Variants in RELCH observed in about 807,000 individuals in gnomAD.
The protein encoded by RELCH is RAB11 binding and LisH domain, coiled-coil and HEAT repeat containing.
A neutral mutation model predicts 150.3 loss-of-function variants in RELCH; 41 were observed. The observed-to-expected ratio is 0.27, with a 90% CI of 0.21 to 0.35. The LOEUF (loss-of-function observed/expected upper bound fraction) is 0.35. RELCH is among the 10% of genes least tolerant of loss of function. RELCH has a pLI of 1.00. For synonymous variants in RELCH, 478 were observed against 531.8 expected, an observed-to-expected ratio of 0.90 and a Z score of 1.39; for missense variants, 1,092 against 1,467.8, an observed-to-expected ratio of 0.74 and a Z score of 4.18.
At chr18:62,266,869 C>T (rs2144752155) in intron 19 of RELCH, 120 bp downstream of exon 19, 1 of 609,362 alleles carries the variant, frequency 1.6e-6, no homozygotes, top group African/African-American at 1.9e-5. Flanking sequence ...AAAAGGAAAA[C>T]TTATATTATG....
chr18:62,227,484 C>A lies in RELCH; in HGVS notation c.1054C>A (p.Pro352Thr), dbSNP rs772707448. Residue 352 changes from proline to threonine, a missense_variant, in exon 6 of 29, where the codon CCT becomes ACT. This residue lies in a region of RELCH where 707 missense variants were observed against 1,025.4 expected (regional missense o/e 0.69). Transcript: ENST00000644646. Reference protein sequence around the residue: ...NLPPTLETPQPAENSMLVQKL... With the variant: ...NLPPTLETPQTAENSMLVQKL... ...TCCTCCAACTCTTGAAACTCCCCAGCCTGCAGAGGTGAGAGATAGCAACTA... is the reference window on the plus strand; with the variant it reads ...TCCTCCAACTCTTGAAACTCCCCAGACTGCAGAGGTGAGAGATAGCAACTA... The A allele has an allele frequency of 1.9e-6, 3 of 1,612,610 alleles. No homozygotes were observed. The highest frequency in any genetic ancestry group is 3.3e-5 in the Admixed American group (2 of 59,834).
Position 62,308,973 on chromosome 18 carries a change from C to T in RELCH, c.*3439C>T, listed in dbSNP as rs1251315812. 6.6e-6 allele frequency: 1 copy of T among 152,032 alleles called. No homozygotes were observed. The highest frequency in any genetic ancestry group is 1.5e-5 in the Non-Finnish European group (1 of 68,014). The allele number at this position is 152,032 out of a possible 1,614,324, so 9.4% of individuals were successfully genotyped here. A position where few individuals can be genotyped will look rare whatever the true frequency, so the allele number is the denominator to read the frequency against. ...AATAGAGACTGGCCGGGCACGGTGG[C>T]TCATGCCTGTAATACCAGCACTTTG... On this transcript the variant is annotated 3_prime_UTR_variant, in exon 29 of 29. Transcript: ENST00000644646.
At position 62,308,219 on chromosome 18, in the gene RELCH, T is replaced by G. The variant is rs1182035668; in HGVS notation, c.*2685T>G. The G allele has an allele frequency of 2.0e-5, 3 of 152,174 alleles. No homozygotes were observed. Among genetic ancestry groups the G allele is most frequent in the Admixed American group, 2.0e-4 (3 of 15,268 alleles). The allele number at this position is 152,174 out of a possible 1,614,324, so 9.4% of individuals were successfully genotyped here. On this transcript the variant is annotated 3_prime_UTR_variant, in exon 29 of 29. Transcript: ENST00000644646. Reference sequence around the variant, plus strand: ...GAATTGTCTTTTCATCATCCCATTTTTCAAGACAACCTATTTTGGACCATT... The same window carrying G: ...GAATTGTCTTTTCATCATCCCATTTGTCAAGACAACCTATTTTGGACCATT...
chr18:62,275,584 T>C (rs769893624), intron 22 of RELCH, 111 bp downstream of exon 22: 4 of 698,578 alleles, frequency 5.7e-6, no homozygotes, highest in South Asian at 4.8e-5. Context: ...GTTATGTTGA[T>C]ATATATTTTA....
chr18:62,267,243 C>T (rs1043863486), intron 19 of RELCH, among the ~76,000 whole-genome samples: 5 of 151,732 alleles, frequency 3.3e-5, no homozygotes, highest in South Asian at 2.1e-4. Flanking sequence ...TCTACTTTAA[C>T]GAGTCTAGTT....
chr18:62,240,839 G>A (rs181034137), intron 10 of RELCH, among the ~76,000 whole-genome samples: 1 of 152,158 alleles, frequency 6.6e-6, no homozygotes, highest in Admixed American at 6.5e-5. Context: ...GGGCACAGTG[G>A]CACATAGTTC....
At chr18:62,277,618 A>T in intron 22 of RELCH, 1 of 926,634 alleles carries the variant, frequency 1.1e-6, no homozygotes, top group Non-Finnish European at 1.3e-6. Flanking sequence ...GAGAAATGAG[A>T]AGAAAATGAG....
At chr18:62,269,269 TGAA>T in intron 20 of RELCH, 1 of 254,274 alleles carries the variant, frequency 3.9e-6, no homozygotes, top group Middle Eastern at 1.2e-3. Flanking sequence ...ATACGTTAGG[TGAA>T]CTAAGCTACA....
intron 10 of RELCH, among the ~76,000 whole-genome samples, chr18:62,237,958 T>A (rs1292566590): frequency 2.6e-5 from 4 of 151,796 alleles, no homozygotes; most frequent in Non-Finnish European, 4.4e-5. Flanking sequence ...CTTTACTCAA[T>A]CTTCAGGTTA....
At chr18:62,230,004 C>T (rs1438410789) in intron 8 of RELCH, among the ~76,000 whole-genome samples, 1 of 151,962 alleles carries the variant, frequency 6.6e-6, no homozygotes, top group Non-Finnish European at 1.5e-5. Flanking sequence ...TGGAAGGTAG[C>T]AAGACTGGGA....
Position 62,305,752 on chromosome 18 carries a change from T to C in RELCH, c.*218T>C. Reference sequence around the variant, plus strand: ...GTGATAGAAAATTGAGTTGATGGTCTGTACCAAGTCCCTTGTCTATGTTCT... The same window carrying C: ...GTGATAGAAAATTGAGTTGATGGTCCGTACCAAGTCCCTTGTCTATGTTCT... On this transcript the variant is annotated 3_prime_UTR_variant, in exon 29 of 29. Transcript: ENST00000644646. The surrounding 1 kb of genome is among the most constrained non-coding windows in gnomAD (Gnocchi z 4.0). 3.2e-6 allele frequency: 1 copy of C among 312,976 alleles called. No homozygotes were observed. The highest frequency in any genetic ancestry group is 5.8e-6 in the Non-Finnish European group (1 of 173,744). The allele number at this position is 312,976 out of a possible 1,614,324, so 19.4% of individuals were successfully genotyped here.
chr18:62,257,626 A>C (rs2043054045), intron 13 of RELCH, among the ~76,000 whole-genome samples: 1 of 152,092 alleles, frequency 6.6e-6, no homozygotes, highest in Admixed American at 6.6e-5. Flanking sequence ...AGGATTTGAG[A>C]GATTTTTACA....
At chr18:62,223,168 A>G (rs565842771) in intron 5 of RELCH, among the ~76,000 whole-genome samples, 18 of 152,026 alleles carry the variant, frequency 1.2e-4, no homozygotes, top group Non-Finnish European at 2.4e-4. Context: ...AGAAAACAAT[A>G]GAGAAAAATT....
At chr18:62,206,199 G>A (rs913439482) in intron 1 of RELCH, among the ~76,000 whole-genome samples, 3 of 152,152 alleles carry the variant, frequency 2.0e-5, no homozygotes, top group East Asian at 3.8e-4. Context: ...ATAGGTACCT[G>A]CTACCATACC....
At chr18:62,295,063 T>A (rs2045338404) in intron 27 of RELCH, among the ~76,000 whole-genome samples, 1 of 152,242 alleles carries the variant, frequency 6.6e-6, no homozygotes, top group Non-Finnish European at 1.5e-5. Context: ...TCCAGCATCC[T>A]GTCCTTTTTT....
intron 2 of RELCH, among the ~76,000 whole-genome samples, chr18:62,217,768 A>G (rs2040576603): frequency 6.6e-6 from 1 of 151,998 alleles, no homozygotes; most frequent in South Asian, 2.1e-4. Context: ...GAAAATGTCT[A>G]AGGATGATAC....
rs541261339 is a variant in RELCH at position 62,243,153 on chromosome 18, C to T, written c.1621-1611C>T. ...TACCCTGATGATGCAATGTCTTAGT[C>T]GTCTCATTAGTATCATTGCCTCTCA... is the stretch of plus-strand genomic sequence containing the variant. On this transcript the variant is annotated intron_variant, in intron 10 of 28. Coordinates refer to ENST00000644646, the MANE Select transcript of RELCH (RefSeq NM_001346231.2). Among the ~76,000 whole-genome samples, 50 of 152,150 alleles carry T rather than the reference C, an allele frequency of 3.3e-4. No homozygotes were observed. In the South Asian group the frequency reaches 5.8e-3, roughly 18 times the overall value.
At chr18:62,258,117 C>T in intron 14 of RELCH, 29 bp downstream of exon 14, 2 of 1,544,154 alleles carry the variant, frequency 1.3e-6, no homozygotes, top group Non-Finnish European at 8.8e-7. Flanking sequence ...ACTGATTTTA[C>T]TCCATTATAA....
chr18:62,197,464 G>T (rs1049845742), intron 1 of RELCH, among the ~76,000 whole-genome samples: 1 of 152,138 alleles, frequency 6.6e-6, no homozygotes, highest in Non-Finnish European at 1.5e-5. Context: ...ACCCTATCCT[G>T]CAGCTCCCAG....
Sources: gnomAD v4.1 joint callset for allele counts (sites outside exome capture counted in the v4.1 genomes callset) on GRCh38, gnomAD v4.1.1 for gene constraint, gnomAD v4.1.1 regional missense constraint, Gnocchi (gnomAD v3.1) non-coding constraint, MANE v1.5 for transcripts, NCBI Gene and HGNC (gene_info 2026-07-23, HGNC 2026-07-21) for gene names.